The following CCBE1 variants were observed in gnomAD, a reference collection of about 807,000 sequenced individuals.
CCBE1 encodes the protein collagen and calcium binding EGF domains 1, also known as collagen and calcium-binding EGF domain-containing protein 1.
CCBE1 carries 37 observed loss-of-function variants against 50.0 expected under a neutral mutation model. The observed-to-expected ratio is 0.74, with a 90% CI of 0.57 to 0.97. The LOEUF (loss-of-function observed/expected upper bound fraction) is 0.97, where lower values mean the gene tolerates loss of function less well. Among genes scored for constraint, CCBE1 ranks in the 50% least tolerant of loss-of-function variants. The pLI is 0.00. For synonymous variants in CCBE1, 234 were observed against 203.7 expected, an observed-to-expected ratio of 1.15 and a Z score of -1.27; for missense variants, 538 against 523.8, an observed-to-expected ratio of 1.03 and a Z score of -0.26.
At chr18:59,572,773 C>G (rs1465217147) in intron 2 of CCBE1, among the ~76,000 whole-genome samples, 1 of 152,150 alleles carries the variant, frequency 6.6e-6, no homozygotes, top group East Asian at 1.9e-4. Flanking sequence ...TATGACTTCT[C>G]AGAACATTTG....
chr18:59,654,658 C>T (rs1039205192), intron 2 of CCBE1, among the ~76,000 whole-genome samples: 1 of 151,518 alleles, frequency 6.6e-6, no homozygotes, highest in African/African-American at 2.4e-5. Context: ...CGGGCATGGT[C>T]GCACGCACCT....
chr18:59,594,439 T>C (rs1204756944), intron 2 of CCBE1, among the ~76,000 whole-genome samples: 1 of 152,146 alleles, frequency 6.6e-6, no homozygotes, highest in South Asian at 2.1e-4. Context: ...AGAGTTTCCG[T>C]TGGGGAAACT....
chr18:59,565,676 G>A (rs1039805945), intron 2 of CCBE1, among the ~76,000 whole-genome samples: 2 of 152,064 alleles, frequency 1.3e-5, no homozygotes, highest in African/African-American at 4.8e-5. Flanking sequence ...ACTAAGCATA[G>A]GGCCCTTTTA....
intron 2 of CCBE1, among the ~76,000 whole-genome samples, chr18:59,687,292 C>A (rs981427296): frequency 6.6e-6 from 1 of 152,186 alleles, no homozygotes; most frequent in Non-Finnish European, 1.5e-5. Flanking sequence ...ATGCACCTTT[C>A]TAAGTTTAGC....
Position 59,431,224 on chromosome 18 carries a change from CA to C in CCBE1, c.*4683del, listed in dbSNP as rs2066952702. 1 of 152,194 alleles carries C rather than the reference CA, an allele frequency of 6.6e-6. No homozygotes were observed. The highest frequency in any genetic ancestry group is 1.5e-5 in the Non-Finnish European group (1 of 68,034). 9.4% of individuals were successfully genotyped at this position (152,194 alleles called of 1,614,324 possible). On this transcript the variant is annotated 3_prime_UTR_variant, in exon 11 of 11. Coordinates refer to ENST00000439986, the MANE Select transcript of CCBE1 (RefSeq NM_133459.4). ...GTTTGTTGAGGGAGCATGTGAAGTT[CA>C]TGATTATATGCCTTAACAATTACAG...
At chr18:59,514,229 G>C (rs1262756688) in intron 2 of CCBE1, among the ~76,000 whole-genome samples, 1 of 152,110 alleles carries the variant, frequency 6.6e-6, no homozygotes, top group Admixed American at 6.5e-5. Flanking sequence ...GAAAATTGAG[G>C]CTCAAAGATG....
chr18:59,525,762 TTTTG>T (rs1233450230), intron 2 of CCBE1, among the ~76,000 whole-genome samples: 1 of 152,218 alleles, frequency 6.6e-6, no homozygotes, highest in Non-Finnish European at 1.5e-5. Context: ...TTGAGTTAAT[TTTTG>T]TTTAAGGTGT....
chr18:59,581,019 C>T (rs550821597), intron 2 of CCBE1, among the ~76,000 whole-genome samples: 19 of 152,264 alleles, frequency 1.2e-4, no homozygotes, highest in African/African-American at 4.1e-4. Flanking sequence ...GAGCATCAGT[C>T]GCCAACACAT....
At chr18:59,551,054 G>C (rs1237524029) in intron 2 of CCBE1, among the ~76,000 whole-genome samples, 1 of 111,472 alleles carries the variant, frequency 9.0e-6, no homozygotes, top group African/African-American at 3.2e-5. Context: ...AGAAAAAAAA[G>C]AAAAAAGAAA....
At chr18:59,444,862 T>C (rs775714408) in intron 7 of CCBE1, among the ~76,000 whole-genome samples, 6 of 152,188 alleles carry the variant, frequency 3.9e-5, no homozygotes, top group African/African-American at 1.2e-4. Flanking sequence ...TTTGGAGAAA[T>C]GTCTATTCAA....
intron 3 of CCBE1, among the ~76,000 whole-genome samples, chr18:59,475,070 G>C (rs1047173180): frequency 6.6e-6 from 1 of 152,130 alleles, no homozygotes; most frequent in African/African-American, 2.4e-5. Context: ...AATTTATTCA[G>C]TCCTCCATTT....
At chr18:59,672,930 C>T (rs1401181380) in intron 2 of CCBE1, among the ~76,000 whole-genome samples, 1 of 151,980 alleles carries the variant, frequency 6.6e-6, no homozygotes, top group Non-Finnish European at 1.5e-5. Flanking sequence ...ATAGGTACAT[C>T]AAGATCTCAC....
chr18:59,590,780 T>C (rs2053253014), intron 2 of CCBE1, among the ~76,000 whole-genome samples: 1 of 152,238 alleles, frequency 6.6e-6, no homozygotes, highest in South Asian at 2.1e-4. Context: ...TGGGTTTTAA[T>C]AAGTTGTATT....
intron 5 of CCBE1, 183 bp from the exon 6 acceptor site, chr18:59,455,134 G>A: frequency 2.9e-6 from 2 of 685,380 alleles, no homozygotes; most frequent in Non-Finnish European, 5.4e-6. Flanking sequence ...CAGGGAAGAG[G>A]GGAGGACAGA....
intron 2 of CCBE1, among the ~76,000 whole-genome samples, chr18:59,685,215 A>G (rs757416010): frequency 2.0e-5 from 3 of 152,154 alleles, no homozygotes; most frequent in Non-Finnish European, 4.4e-5. Flanking sequence ...ATAAAGAGTG[A>G]TGGAATTTGC....
chr18:59,588,970 A>T (rs1255621980), intron 2 of CCBE1, among the ~76,000 whole-genome samples: 1 of 152,212 alleles, frequency 6.6e-6, no homozygotes, highest in African/African-American at 2.4e-5. Flanking sequence ...AGTGATTTGT[A>T]AGGTGTGATA....
intron 4 of CCBE1, 64 bp downstream of exon 4, chr18:59,469,409 A>G: frequency 1.2e-6 from 2 of 1,608,696 alleles, no homozygotes; most frequent in Non-Finnish European, 1.7e-6. Context: ...GGTCCAACCA[A>G]GGACAGAACC....
At chr18:59,555,085 GTCCT>G (rs1474004989) in intron 2 of CCBE1, among the ~76,000 whole-genome samples, 4 of 152,160 alleles carry the variant, frequency 2.6e-5, no homozygotes, top group African/African-American at 4.8e-5. Flanking sequence ...GCATGTATGT[GTCCT>G]TCATGTTTCA....
chr18:59,551,802 T>C (rs562531799), intron 2 of CCBE1, among the ~76,000 whole-genome samples: 1 of 152,334 alleles, frequency 6.6e-6, no homozygotes, highest in African/African-American at 2.4e-5. Flanking sequence ...AAATCTTGAC[T>C]GTCATCTATG....
Sources: gnomAD v4.1 joint callset for allele counts (sites outside exome capture counted in the v4.1 genomes callset) on GRCh38, gnomAD v4.1.1 for gene constraint, MANE v1.5 for transcripts, NCBI Gene and HGNC (gene_info 2026-07-23, HGNC 2026-07-21) for gene names.